Variants in TRPM4 observed in about 807,000 individuals in gnomAD.
The protein encoded by TRPM4 is calcium-activated non-selective cation channel 1.
In TRPM4, 124 loss-of-function variants were observed where a neutral mutation model predicts 135.6. That is an observed-to-expected ratio of 0.91 (90% CI 0.79 to 1.06). The LOEUF (loss-of-function observed/expected upper bound fraction) is 1.06. Ranked by LOEUF, TRPM4 falls within the 50% of genes least tolerant of loss-of-function variation. The pLI, the probability that TRPM4 is intolerant of heterozygous loss-of-function variation, is 0.00. For missense variants in TRPM4, 1,658 were observed against 1,671.4 expected (o/e 0.99, Z 0.14); for synonymous variants, 745 against 705.6 (o/e 1.06, Z -0.88).
chr19:49,193,120 G>A (rs1238884219), intron 16 of TRPM4, among the ~76,000 whole-genome samples: 6 of 141,292 alleles, frequency 4.2e-5, no homozygotes, highest in African/African-American at 1.3e-4. Context: ...TTACTCTGTC[G>A]CCCAGGCTGG....
chr19:49,197,432 C>G (rs2145958714), intron 17 of TRPM4, among the ~76,000 whole-genome samples: 1 of 138,956 alleles, frequency 7.2e-6, no homozygotes, highest in African/African-American at 2.7e-5. Flanking sequence ...TCTTTTCTTT[C>G]TCTCTCTCTC....
At chr19:49,197,939 T>C (rs1010944009) in intron 17 of TRPM4, among the ~76,000 whole-genome samples, 2 of 151,994 alleles carry the variant, frequency 1.3e-5, no homozygotes, top group African/African-American at 4.8e-5. Flanking sequence ...TCCACTGGCC[T>C]TAGCCTCTGA....
chr19:49,175,788 G>A (rs897392952), intron 9 of TRPM4, among the ~76,000 whole-genome samples: 1 of 150,464 alleles, frequency 6.6e-6, no homozygotes, highest in Admixed American at 6.6e-5. Context: ...AGCCTCCCGA[G>A]TAGTTGGGCT....
chr19:49,202,024 G>C lies in TRPM4; in HGVS notation c.3014G>C (p.Gly1005Ala), dbSNP rs1321613192. 1.2e-6 allele frequency: 2 copies of C among 1,613,814 alleles called. No individual in the cohort carries two copies. Among genetic ancestry groups the C allele is most frequent in the Non-Finnish European group, 1.7e-6 (2 of 1,180,032 alleles). Residue 1005 changes from glycine to alanine, a missense_variant, in exon 20 of 25, where the codon GGG (glycine) becomes GCG (alanine). Gly to Ala is a moderately conservative substitution (Grantham distance 60, BLOSUM62 0). Transcript: ENST00000252826. ...SEPGFWAHPP[G>A]AQAGTCVSQY... is the part of the protein sequence containing the mutation. ...CCCGGCTTCTGGGCACACCCTCCTG[G>C]GGCCCAGGCGGGCACCTGCGTCTCC...
In TRPM4 at chr19:49,158,238, T is replaced by C. The variant is rs1568450327; in HGVS notation, c.71T>C (p.Ile24Thr). 3.1e-6 allele frequency: 5 copies of C among 1,613,856 alleles called. No homozygotes were observed. Among genetic ancestry groups the C allele is most frequent in the Middle Eastern group, 3.3e-4 (2 of 6,062 alleles). ...AAGAAGAAGACCTGCACGACGTTCA[T>C]AGTTGACTCCACAGATCCGGGGTGA... ...IFKKKTCTTF[I>T]VDSTDPGGTL... Residue 24 changes from isoleucine to threonine, a missense_variant, in exon 2 of 25, where the codon ATA (isoleucine) becomes ACA (threonine). Physicochemically the swap from Ile to Thr is moderately conservative, Grantham distance 89 (BLOSUM62 -1). Coordinates refer to ENST00000252826, the MANE Select transcript of TRPM4 (RefSeq NM_017636.4).
In TRPM4 at chr19:49,200,936, T is replaced by C. The variant is rs563823919; in HGVS notation, c.2953+151T>C. 158 of 812,308 alleles carry C rather than the reference T, an allele frequency of 1.9e-4. 1 individual carries two copies. In the South Asian group the frequency reaches 2.6e-3, roughly 13 times the overall value. 50.3% of individuals were successfully genotyped at this position (812,308 alleles called of 1,614,324 possible). A position where few individuals can be genotyped will look rare whatever the true frequency, so the allele number is the denominator to read the frequency against. Reference sequence around the variant, plus strand: ...TCTGAGTGATACCCTATATTCCCCATCATCATCTCTCTGGGTCTCTGCCTA... The same window carrying C: ...TCTGAGTGATACCCTATATTCCCCACCATCATCTCTCTGGGTCTCTGCCTA... On this transcript the variant is annotated intron_variant, in intron 19 of 24. Transcript: ENST00000252826.
In TRPM4 at chr19:49,210,297, G is replaced by A; in HGVS notation, c.3220G>A (p.Ala1074Thr). 4.3e-6 allele frequency: 7 copies of A among 1,614,210 alleles called. No homozygotes were observed. The highest frequency in any genetic ancestry group is 5.9e-6 in the Non-Finnish European group (7 of 1,180,042). ...CATCCGGGAATTCCACTCTCGGCCC[G>A]CGCTGGCCCCGCCCTTTATCGTCAT... ...RLIREFHSRP[A>T]LAPPFIVISH... is the part of the protein sequence containing the mutation. The change falls in exon 21 of 25, where the codon GCG becomes ACG. Residue 1074 changes from alanine to threonine, a missense_variant. Ala to Thr is a moderately conservative substitution (Grantham distance 58). Transcript: ENST00000252826. The surrounding 1 kb of genome is among the most constrained non-coding windows in gnomAD (Gnocchi z 4.1).
chr19:49,203,113 A>C (rs188543418), intron 20 of TRPM4, among the ~76,000 whole-genome samples: 1 of 150,854 alleles, frequency 6.6e-6, no homozygotes, highest in Non-Finnish European at 1.5e-5. Context: ...GGATGGTCTC[A>C]ATCTCCTGAC....
chr19:49,196,640 A>T lies in TRPM4; in HGVS notation c.2411A>T (p.Asp804Val). ...CTTTTCTCGCGGGTGCTGCTCGTGG[A>T]TTTCCAGCCGGCGCCGCCCGGCTCC... ...LLLFSRVLLVDFQPAPPGSLE... is the reference protein window; with the variant it reads ...LLLFSRVLLVVFQPAPPGSLE... The change falls in exon 17 of 25, where the codon GAT (aspartate) becomes GTT (valine). Residue 804 changes from aspartate to valine, a missense_variant. By Grantham distance (152) the Asp-to-Val change is radical. This residue lies in a region of TRPM4 where 1,412 missense variants were observed against 1,408.7 expected (regional missense o/e 1.00). Transcript: ENST00000252826. The T allele has an allele frequency of 6.5e-7, 1 of 1,549,282 alleles. No homozygotes were observed. Among genetic ancestry groups the T allele is most frequent in the South Asian group, 1.2e-5 (1 of 84,550 alleles).
intron 4 of TRPM4, 45 bp from the exon 5 acceptor site, chr19:49,168,215 T>C (rs1967304488): frequency 6.2e-7 from 1 of 1,613,296 alleles, no homozygotes; most frequent in African/African-American, 1.3e-5. Flanking sequence ...TCTTATTCTT[T>C]GTTTCTCTCC....
At position 49,201,954 on chromosome 19, in the gene TRPM4, C is replaced by T. The variant is rs920087060; in HGVS notation, c.2954-10C>T. ...CCCCTCACCCCATCTCTGAATGTCT[C>T]TCTTCACAGTGGCCCTCATGGAGCA... On this transcript the variant is annotated splice_polypyrimidine_tract_variant and intron_variant, in intron 19 of 24. Transcript: ENST00000252826. 1 of 1,613,172 alleles carries T rather than the reference C, an allele frequency of 6.2e-7. No homozygotes were observed. The highest frequency in any genetic ancestry group is 8.5e-7 in the Non-Finnish European group (1 of 1,179,996).
rs1400232735 is a variant in TRPM4 at position 49,167,245 on chromosome 19, C to G, written c.268-672C>G. Among the ~76,000 whole-genome samples the G allele has an allele frequency of 2.7e-3, 324 of 119,910 alleles. 1 individual carries two copies. Among genetic ancestry groups the G allele is most frequent in the African/African-American group, 9.2e-3 (268 of 29,128 alleles). 78.7% of individuals were successfully genotyped at this position (119,910 alleles called of 152,430 possible). A position where few individuals can be genotyped will look rare whatever the true frequency, so the allele number is the denominator to read the frequency against. Reference sequence around the variant, plus strand: ...CCTCTCTCTCTGGGTCTCTGTCCCTCTCTCTCTGGGTCTCTGTCCCTCTCT... The same window carrying G: ...CCTCTCTCTCTGGGTCTCTGTCCCTGTCTCTCTGGGTCTCTGTCCCTCTCT... On this transcript the variant is annotated intron_variant, in intron 3 of 24. Coordinates refer to ENST00000252826, the MANE Select transcript of TRPM4 (RefSeq NM_017636.4).
At position 49,172,074 on chromosome 19, in the gene TRPM4, A is replaced by G; in HGVS notation, c.1116A>G (p.Glu372=). 1.2e-6 allele frequency: 2 copies of G among 1,614,020 alleles called. No individual in the cohort carries two copies. The highest frequency in any genetic ancestry group is 1.7e-6 in the Non-Finnish European group (2 of 1,179,936). ...ATTCTTCTGAGGATGGGTCTGAGGA[A>G]TTCGAGACCATAGTTTTGAAGGCCC... ...TVYSSEDGSE[E]FETIVLKALV... The change falls in exon 9 of 25, where the codon GAA becomes GAG. Residue 372 remains glutamate, a synonymous_variant. Transcript: ENST00000252826.
At chr19:49,169,057 A>G (rs951308632) in intron 6 of TRPM4, among the ~76,000 whole-genome samples, 2 of 150,458 alleles carry the variant, frequency 1.3e-5, no homozygotes, top group Non-Finnish European at 1.5e-5. Flanking sequence ...TAAATTAGCC[A>G]GGTGTGGTGT....
Position 49,191,783 on chromosome 19 carries a change from C to A in TRPM4, c.2210+1010C>A, listed in dbSNP as rs1426590024. ...AAAGTACTGGGATTACAGGCATGAG[C>A]CACCATGCCTGGCCCAGGGATTACA... On this transcript the variant is annotated intron_variant, in intron 16 of 24. Transcript: ENST00000252826. Among the ~76,000 whole-genome samples the A allele has an allele frequency of 6.6e-5, 10 of 152,294 alleles. No individual in the cohort carries two copies. The East Asian group carries it at 1.9e-3, about 29-fold the overall frequency.
In TRPM4 at chr19:49,210,624, C is replaced by T. The variant is rs1969319218; in HGVS notation, c.3329-86C>T. 4.4e-6 allele frequency: 7 copies of T among 1,596,578 alleles called. No homozygotes were observed. The highest frequency in any genetic ancestry group is 6.0e-6 in the Non-Finnish European group (7 of 1,166,410). On this transcript the variant is annotated intron_variant, in intron 21 of 24. Coordinates refer to ENST00000252826, the MANE Select transcript of TRPM4 (RefSeq NM_017636.4). The surrounding 1 kb of genome is among the most constrained non-coding windows in gnomAD (Gnocchi z 4.1). The stretch of plus-strand genomic sequence containing the variant: ...TCACCAGGGGCTGGGTCTGGGATAG[C>T]GTGCGTGTTCTGAGGGTGTCGGAAG...
rs759540119 is a variant in TRPM4 at position 49,168,642 on chromosome 19, G to A, written c.702G>A (p.Leu234=). 11 of 1,613,416 alleles carry A rather than the reference G, an allele frequency of 6.8e-6. No individual in the cohort carries two copies. In the South Asian group the frequency reaches 1.2e-4, roughly 18 times the overall value. Residue 234 remains leucine, a synonymous_variant, in exon 6 of 25, where the codon CTG becomes CTA. Coordinates refer to ENST00000252826, the MANE Select transcript of TRPM4 (RefSeq NM_017636.4). ...ACTACAACTACTCGGCCTTCTTCCTGGTGGACGACGGCACACACGGCTGCC... is the reference window on the plus strand; with the variant it reads ...ACTACAACTACTCGGCCTTCTTCCTAGTGGACGACGGCACACACGGCTGCC... The part of the protein sequence containing the change: ...PLDYNYSAFF[L]VDDGTHGCLG...
At chr19:49,195,041 C>A (rs971076125) in intron 16 of TRPM4, among the ~76,000 whole-genome samples, 12 of 151,820 alleles carry the variant, frequency 7.9e-5, no homozygotes, top group African/African-American at 2.9e-4. Flanking sequence ...GGATTTCAGG[C>A]TTGAGCTACC....
chr19:49,201,295 A>G (rs952141068), intron 19 of TRPM4, among the ~76,000 whole-genome samples: 8 of 152,180 alleles, frequency 5.3e-5, no homozygotes, highest in African/African-American at 1.9e-4. Flanking sequence ...TTTTAAAAGA[A>G]GCGAAGGCAG....
Sources: allele counts gnomAD v4.1 joint callset (sites outside exome capture counted in the v4.1 genomes callset), GRCh38; gene constraint gnomAD v4.1.1; regional missense constraint gnomAD v4.1.1; non-coding constraint Gnocchi (gnomAD v3.1); transcripts MANE v1.5; gene names NCBI Gene and HGNC (gene_info 2026-07-23, HGNC 2026-07-21).